DNAH2: variants seen among roughly 807,000 people sequenced by gnomAD.
The protein encoded by DNAH2 is dynein axonemal heavy chain 2, also known as axonemal beta dynein heavy chain 2.
In DNAH2, 323 loss-of-function variants were observed where a neutral mutation model predicts 523.5. The ratio of observed to expected loss-of-function variants is 0.62; its 90% confidence interval spans 0.56 to 0.68. The LOEUF (loss-of-function observed/expected upper bound fraction) is 0.68. Ranked by LOEUF, DNAH2 falls within the 30% of genes least tolerant of loss-of-function variation. The pLI is 0.00. For synonymous variants in DNAH2, 2,093 were observed against 2,177.4 expected, an observed-to-expected ratio of 0.96 and a Z score of 1.08; for missense variants, 4,907 against 5,701.5, an observed-to-expected ratio of 0.86 and a Z score of 4.49.
Position 7,733,675 on chromosome 17 carries a change from C to T in DNAH2, c.628+360C>T, listed in dbSNP as rs578256764. Among the ~76,000 whole-genome samples, 466 of 152,054 alleles carry T rather than the reference C, an allele frequency of 3.1e-3. 2 individuals carry two copies. Among genetic ancestry groups the T allele is most frequent in the African/African-American group, 0.01 (434 of 41,464 alleles). ...TGTATCTTTAGTAGAGATGGGGTTT[C>T]ACCATGTTGGCCAGGCTGGTCTCGA... On this transcript the variant is annotated intron_variant, in intron 5 of 85. Transcript: ENST00000572933.
chr17:7,740,067 G>T, intron 9 of DNAH2, 129 bp downstream of exon 9: 2 of 475,894 alleles, frequency 4.2e-6, no homozygotes, highest in African/African-American at 7.0e-5. Context: ...GCGGTGGCCC[G>T]GGGGGGGGGA....
At chr17:7,789,399 T>G (rs933862161) in intron 44 of DNAH2, among the ~76,000 whole-genome samples, 3 of 151,932 alleles carry the variant, frequency 2.0e-5, no homozygotes, top group Non-Finnish European at 2.9e-5. Flanking sequence ...TGGTGGGTGG[T>G]GTTTTTGTGT....
Position 7,780,889 on chromosome 17 carries a change from C to A in DNAH2, c.6003+107C>A. ...TCTTTCCTCAGATTGGGATTCTCAC[C>A]TTCCCACCTCGTCCCATCCCCGTGT... is the stretch of plus-strand genomic sequence containing the variant. On this transcript the variant is annotated intron_variant, in intron 38 of 85. Coordinates refer to ENST00000572933, the MANE Select transcript of DNAH2 (RefSeq NM_020877.5). This position sits in a 1 kb window ranked among gnomAD's most constrained non-coding sequence, Gnocchi z 4.4. 6.3e-7 allele frequency: 1 copy of A among 1,582,072 alleles called. No individual in the cohort carries two copies. The highest frequency in any genetic ancestry group is 8.6e-7 in the Non-Finnish European group (1 of 1,160,854).
At chr17:7,738,088 T>C in intron 8 of DNAH2, 1 of 703,608 alleles carries the variant, frequency 1.4e-6, no homozygotes. Context: ...CTTGGAAAGA[T>C]CACTACGTAC....
intron 12 of DNAH2, among the ~76,000 whole-genome samples, chr17:7,745,895 T>C (rs2075505001): frequency 6.6e-6 from 1 of 152,032 alleles, no homozygotes; most frequent in Non-Finnish European, 1.5e-5. Flanking sequence ...CGAGAGTAGA[T>C]ACAGCATCAA....
Position 7,831,078 on chromosome 17 carries a change from C to G in DNAH2, c.12231-8C>G. On this transcript the variant is annotated splice_polypyrimidine_tract_variant and splice_region_variant and intron_variant, in intron 79 of 85. Coordinates refer to ENST00000572933, the MANE Select transcript of DNAH2 (RefSeq NM_020877.5). The surrounding 1 kb of genome is among the most constrained non-coding windows in gnomAD (Gnocchi z 4.2). ...CAATGTGGCAGTAATTATGCTATGA[C>G]TCCCTAGGTTGTCAGCACTGGAGAC... 6.2e-7 allele frequency: 1 copy of G among 1,611,382 alleles called. No individual in the cohort carries two copies. The highest frequency in any genetic ancestry group is 2.2e-5 in the East Asian group (1 of 44,890).
At chr17:7,762,374 C>T (rs1011936767) in intron 18 of DNAH2, among the ~76,000 whole-genome samples, 8 of 139,526 alleles carry the variant, frequency 5.7e-5, no homozygotes, top group African/African-American at 8.2e-5. Flanking sequence ...CTCACTCTGT[C>T]GCCCATGCTG....
intron 2 of DNAH2, among the ~76,000 whole-genome samples, chr17:7,721,409 AG>A (rs2074602396): frequency 6.6e-6 from 1 of 152,046 alleles, no homozygotes. Context: ...CCTGTCCTCG[AG>A]TGATCCACCT....
rs534254302 is a variant in DNAH2 at position 7,796,798 on chromosome 17, A to T, written c.7863+146A>T. ...TGCCACACTCCCTGGCCTTACCTTT[A>T]AAACTTCTGGGCCAAGTGCGGTGGC... On this transcript the variant is annotated intron_variant, in intron 50 of 85. Coordinates refer to ENST00000572933, the MANE Select transcript of DNAH2 (RefSeq NM_020877.5). The T allele has an allele frequency of 1.1e-5, 11 of 988,126 alleles. No homozygotes were observed. The Admixed American group carries it at 2.4e-4, about 22-fold the overall frequency. 61.2% of individuals were successfully genotyped at this position (988,126 alleles called of 1,614,324 possible).
In DNAH2 at chr17:7,779,505, C is replaced by T. The variant is rs140710110; in HGVS notation, c.5722+82C>T. On this transcript the variant is annotated intron_variant, in intron 36 of 85. Coordinates refer to ENST00000572933, the MANE Select transcript of DNAH2 (RefSeq NM_020877.5). ...GAAATAACTGCGCATCCTCCTCTTC[C>T]CCCTTCCATGCGAATGTATATAGCT... 67 of 1,416,804 alleles carry T rather than the reference C, an allele frequency of 4.7e-5. No individual in the cohort carries two copies. In the East Asian group the frequency reaches 1.6e-3, roughly 34 times the overall value. The allele number at this position is 1,416,804 out of a possible 1,614,324, so 87.8% of individuals were successfully genotyped here.
intron 28 of DNAH2, among the ~76,000 whole-genome samples, chr17:7,771,843 A>G (rs1457220088): frequency 6.6e-6 from 1 of 151,990 alleles, no homozygotes; most frequent in African/African-American, 2.4e-5. Flanking sequence ...CAGCCTCCCA[A>G]GTAGCTGGGA....
intron 10 of DNAH2, 49 bp downstream of exon 10, chr17:7,740,598 T>TGGAGTCCCTCCTTCC: frequency 6.2e-7 from 1 of 1,603,558 alleles, no homozygotes; most frequent in Non-Finnish European, 8.5e-7. Flanking sequence ...CGTGCTTTCC[T>TGGAGTCCCTCCTTCC]GGAGTCCCTC....
At chr17:7,782,704 C>T (rs1373431270) in intron 39 of DNAH2, among the ~76,000 whole-genome samples, 12 of 152,044 alleles carry the variant, frequency 7.9e-5, no homozygotes, top group Non-Finnish European at 4.4e-5. Flanking sequence ...CGGTGGTTCA[C>T]GCCTGTCATC....
At chr17:7,728,977 C>G (rs909934271) in intron 4 of DNAH2, among the ~76,000 whole-genome samples, 3 of 150,562 alleles carry the variant, frequency 2.0e-5, no homozygotes, top group Admixed American at 6.6e-5. Context: ...AGAGTGAGAC[C>G]CTGTCTCAAA....
At position 7,788,081 on chromosome 17, in the gene DNAH2, T is replaced by C. The variant is rs376615115; in HGVS notation, c.6742-5T>C. 3 of 1,614,008 alleles carry C rather than the reference T, an allele frequency of 1.9e-6. No homozygotes were observed. In the African/African-American group the frequency reaches 4.0e-5, roughly 22 times the overall value. On this transcript the variant is annotated splice_polypyrimidine_tract_variant and splice_region_variant and intron_variant, in intron 43 of 85. Transcript: ENST00000572933. ...AATGAAGAGCCCCTTCTTATTCAAC[T>C]CCAGGCTGAGGTGGAGCCCCTTCAA...
At chr17:7,829,961 G>A (rs752246019) in intron 77 of DNAH2, among the ~76,000 whole-genome samples, 6 of 150,710 alleles carry the variant, frequency 4.0e-5, no homozygotes, top group African/African-American at 1.5e-4. Flanking sequence ...AGGAGGCAGA[G>A]GTTGCAGTGA....
chr17:7,804,207 C>A, intron 58 of DNAH2, 49 bp from the exon 59 acceptor site: 1 of 1,599,802 alleles, frequency 6.3e-7, no homozygotes, highest in Non-Finnish European at 8.5e-7. Context: ...GGACACCGCG[C>A]TTTCCGGAAG....
In DNAH2 at chr17:7,740,586, C is replaced by T. The variant is rs778392935; in HGVS notation, c.1506+37C>T. On this transcript the variant is annotated intron_variant, in intron 10 of 85. Coordinates refer to ENST00000572933, the MANE Select transcript of DNAH2 (RefSeq NM_020877.5). ...CCGCGGCTTCCTCGGCTTCCCGTCC[C>T]GCGTGCTTTCCTGGAGTCCCTCCTT... 49 of 1,607,540 alleles carry T rather than the reference C, an allele frequency of 3.0e-5. No individual in the cohort carries two copies. The African/African-American group carries it at 4.8e-4, about 16-fold the overall frequency.
chr17:7,791,344 T>G (rs1189708756), intron 44 of DNAH2, among the ~76,000 whole-genome samples: 1 of 152,208 alleles, frequency 6.6e-6, no homozygotes, highest in Non-Finnish European at 1.5e-5. Context: ...GTGCTGGGAT[T>G]ACAGGCATGA....
Sources: gnomAD v4.1 joint callset for allele counts (sites outside exome capture counted in the v4.1 genomes callset) on GRCh38, gnomAD v4.1.1 for gene constraint, Gnocchi (gnomAD v3.1) non-coding constraint, MANE v1.5 for transcripts, NCBI Gene and HGNC (gene_info 2026-07-23, HGNC 2026-07-21) for gene names.